The following VLDLR variants were observed in gnomAD, a reference collection of about 807,000 sequenced individuals.
VLDLR encodes the protein very low-density lipoprotein receptor.
VLDLR carries 81 observed loss-of-function variants against 112.7 expected under a neutral mutation model. The observed-to-expected ratio is 0.72, with a 90% confidence interval of 0.60 to 0.86. The LOEUF (loss-of-function observed/expected upper bound fraction) is 0.86. VLDLR is among the 40% of genes least tolerant of loss of function. The pLI is 0.00. For missense variants in VLDLR, 1,237 were observed against 1,099.4 expected (o/e 1.13, Z -1.77); for synonymous variants, 436 against 384.8 (o/e 1.13, Z -1.56).
intron 15 of VLDLR, among the ~76,000 whole-genome samples, chr9:2,650,957 G>C (rs1320036605): frequency 2.6e-5 from 4 of 152,204 alleles, no homozygotes; most frequent in Admixed American, 1.3e-4. Context: ...TTTTGATTAA[G>C]TGGCAAATTA....
At position 2,651,915 on chromosome 9, in the gene VLDLR, C is replaced by A. The variant is rs1297155717; in HGVS notation, c.2377C>A (p.Pro793Thr). 6.2e-7 allele frequency: 1 copy of A among 1,614,070 alleles called. No individual in the cohort carries two copies. Among genetic ancestry groups the A allele is most frequent in the Admixed American group, 1.7e-5 (1 of 60,016 alleles). The change falls in exon 17 of 19, where the codon CCA becomes ACA. Residue 793 changes from proline to threonine, a missense_variant. Coordinates refer to ENST00000382100, the MANE Select transcript of VLDLR (RefSeq NM_003383.5). ...TTAVSEVSVP[P>T]KGTSAAWAIL... ...AGCAGTATCAGAGGTCAGTGTTCCC[C>A]CAAAAGGGACTTCTGCCGCATGGGC... is the stretch of plus-strand genomic sequence containing the variant.
intron 1 of VLDLR, among the ~76,000 whole-genome samples, chr9:2,623,389 G>C (rs1023586183): frequency 2.6e-5 from 4 of 152,268 alleles, no homozygotes; most frequent in Non-Finnish European, 5.9e-5. Flanking sequence ...GCCAGCTGCA[G>C]GGAATTGGGA....
Position 2,658,951 on chromosome 9 carries a change from T to C in VLDLR, c.*5083T>C, listed in dbSNP as rs1818703489. On this transcript the variant is annotated 3_prime_UTR_variant, in exon 19 of 19. Transcript: ENST00000382100. ...GCATACTTAAGAAGGCTTAAAAGAC[T>C]GCATGGTTTAAACCCTAGAAACATA... 6.6e-6 allele frequency: 1 copy of C among 152,182 alleles called. No homozygotes were observed. Among genetic ancestry groups the C allele is most frequent in the Non-Finnish European group, 1.5e-5 (1 of 68,026 alleles). 9.4% of individuals were successfully genotyped at this position (152,182 alleles called of 1,614,324 possible).
intron 3 of VLDLR, 25 bp downstream of exon 3, chr9:2,640,006 G>C (rs1391738899): frequency 6.2e-7 from 1 of 1,614,118 alleles, no homozygotes; most frequent in Non-Finnish European, 8.5e-7. Context: ...CTTTGGCCTT[G>C]AACTTTGCCA....
intron 1 of VLDLR, among the ~76,000 whole-genome samples, chr9:2,630,516 T>C (rs1344461579): frequency 1.3e-5 from 2 of 152,190 alleles, no homozygotes; most frequent in Admixed American, 1.3e-4. Context: ...CTGAGCCTGG[T>C]ACCCAGAGAC....
intron 4 of VLDLR, 61 bp downstream of exon 4, chr9:2,641,560 C>T (rs1586648468): frequency 1.9e-6 from 3 of 1,610,368 alleles, no homozygotes; most frequent in Middle Eastern, 1.7e-4. Context: ...GAAGGGTGGG[C>T]AGGGGAAACT....
Position 2,622,180 on chromosome 9 carries a change from G to C in VLDLR, c.-10G>C. 1 of 1,485,356 alleles carries C rather than the reference G, an allele frequency of 6.7e-7. No homozygotes were observed. Among genetic ancestry groups the C allele is most frequent in the Non-Finnish European group, 8.9e-7 (1 of 1,122,202 alleles). The allele number at this position is 1,485,356 out of a possible 1,614,324, so 92.0% of individuals were successfully genotyped here. ...GCGGCGGCGGCGGCGGCACCATCCA[G>C]GCGGGCACCATGGGCACGTCCGCGC... On this transcript the variant is annotated 5_prime_UTR_variant, in exon 1 of 19. Coordinates refer to ENST00000382100, the MANE Select transcript of VLDLR (RefSeq NM_003383.5).
intron 2 of VLDLR, 112 bp from the exon 3 acceptor site, chr9:2,639,747 A>G: frequency 6.5e-7 from 1 of 1,549,434 alleles, no homozygotes; most frequent in South Asian, 1.1e-5. Flanking sequence ...GTGCCCATTG[A>G]CTCAGCTTTT....
chr9:2,653,115 C>G (rs781277116), intron 18 of VLDLR, among the ~76,000 whole-genome samples, 166 bp downstream of exon 18: 3 of 152,166 alleles, frequency 2.0e-5, no homozygotes, highest in Non-Finnish European at 4.4e-5. Flanking sequence ...ATAAGTCACT[C>G]AGTTGATCAG....
chr9:2,651,361 G>A, intron 15 of VLDLR, 54 bp from the exon 16 acceptor site: 2 of 1,505,272 alleles, frequency 1.3e-6, no homozygotes, highest in African/African-American at 1.4e-5. Context: ...GGACAAAACA[G>A]CTAGCCATGC....
Position 2,633,051 on chromosome 9 carries a change from AGTGTGTGTGTGTGTGTGT to A in VLDLR, c.83-2382_83-2365del, listed in dbSNP as rs71329439. Among the ~76,000 whole-genome samples the A allele has an allele frequency of 7.5e-3, 867 of 115,470 alleles. 14 individuals are homozygous for A. Among genetic ancestry groups the A allele is most frequent in the Middle Eastern group, 0.03 (7 of 234 alleles). 75.8% of individuals were successfully genotyped at this position (115,470 alleles called of 152,430 possible). A position where few individuals can be genotyped will look rare whatever the true frequency, so the allele number is the denominator to read the frequency against. ...TTATTGGAGAGAGAGAGAGAGAGAG[AGTGTGTGTGTGTGTGTGT>A]GTGTGTGTGTGTGTGTGTGGTTGAG... On this transcript the variant is annotated intron_variant, in intron 1 of 18. Coordinates refer to ENST00000382100, the MANE Select transcript of VLDLR (RefSeq NM_003383.5).
chr9:2,622,381 G>T (rs1266249242), intron 1 of VLDLR, 110 bp downstream of exon 1: 1 of 966,142 alleles, frequency 1.0e-6, no homozygotes, highest in Non-Finnish European at 1.4e-6. Context: ...GGCGCCTCTC[G>T]GTTCTCCTCG....
chr9:2,632,095 G>T (rs758479782), intron 1 of VLDLR, among the ~76,000 whole-genome samples: 2 of 152,184 alleles, frequency 1.3e-5, no homozygotes, highest in Non-Finnish European at 1.5e-5. Context: ...GTAGGTACAA[G>T]CGACTTCCAA....
In VLDLR at chr9:2,634,180, G is replaced by A. The variant is rs149703763; in HGVS notation, c.83-1273G>A. Among the ~76,000 whole-genome samples, 568 of 152,246 alleles carry A rather than the reference G, an allele frequency of 3.7e-3. 5 individuals carry two copies. Among genetic ancestry groups the A allele is most frequent in the African/African-American group, 0.012 (500 of 41,552 alleles). ...GGCCAAATTTTAATCTCCCTGGGAA[G>A]AGCCACAAAGCACGAAATGCTCCCA... On this transcript the variant is annotated intron_variant, in intron 1 of 18. Coordinates refer to ENST00000382100, the MANE Select transcript of VLDLR (RefSeq NM_003383.5).
chr9:2,650,555 A>G lies in VLDLR; in HGVS notation c.2251+39A>G, dbSNP rs985294512. On this transcript the variant is annotated intron_variant, in intron 15 of 18. Transcript: ENST00000382100. ...TGTTTCAACCACAAGTAGAACCTAC[A>G]ACAAGCAATATAATAAGACACAAGC... is the stretch of plus-strand genomic sequence containing the variant. 2.5e-6 allele frequency: 4 copies of G among 1,609,980 alleles called. No homozygotes were observed. The African/African-American group carries it at 4.0e-5, about 16-fold the overall frequency.
rs1350643781 is a variant in VLDLR at position 2,648,304 on chromosome 9, C to G, written c.1919C>G (p.Ser640Cys). The change falls in exon 13 of 19, where the codon TCT (serine) becomes TGT (cysteine). Residue 640 changes from serine to cysteine, a missense_variant. Transcript: ENST00000382100. ...NGQDRRIVLK[S>C]LEFLAHPLAL... ...CAAGATCGTAGGATAGTACTAAAGT[C>G]TCTGGAGTTCCTAGCTCATCCTCTT... 1.5e-5 allele frequency: 25 copies of G among 1,614,068 alleles called. No homozygotes were observed. Among genetic ancestry groups the G allele is most frequent in the Non-Finnish European group, 1.8e-5 (21 of 1,180,030 alleles).
At chr9:2,650,668 TC>T in intron 15 of VLDLR, 152 bp downstream of exon 15, 1 of 1,202,826 alleles carries the variant, frequency 8.3e-7, no homozygotes, top group Non-Finnish European at 1.2e-6. Context: ...TCATGTCATT[TC>T]TTTAGAACTG....
At chr9:2,651,272 A>C in intron 15 of VLDLR, 143 bp from the exon 16 acceptor site, 1 of 670,076 alleles carries the variant, frequency 1.5e-6, no homozygotes, top group Non-Finnish European at 2.6e-6. Context: ...CAATGTTGAC[A>C]CATCAGCTGT....
chr9:2,632,341 C>T (rs1269336695), intron 1 of VLDLR, among the ~76,000 whole-genome samples: 3 of 152,154 alleles, frequency 2.0e-5, no homozygotes, highest in African/African-American at 7.2e-5. Context: ...TTAAGGAACC[C>T]ACTAACAATT....
Sources: allele counts gnomAD v4.1 joint callset (sites outside exome capture counted in the v4.1 genomes callset), GRCh38; gene constraint gnomAD v4.1.1; transcripts MANE v1.5; gene names NCBI Gene and HGNC (gene_info 2026-07-23, HGNC 2026-07-21).